Variants in GNG7 observed in about 807,000 individuals in gnomAD.
The protein encoded by GNG7 is G protein subunit gamma 7.
In GNG7, 1 loss-of-function variant was observed where a neutral mutation model predicts 4.0. That is an observed-to-expected ratio of 0.25 (90% CI 0.09 to 1.18). The LOEUF (loss-of-function observed/expected upper bound fraction) is 1.18, where lower values mean the gene tolerates loss of function less well. Among genes scored for constraint, GNG7 ranks in the 50% most tolerant of loss-of-function variants. GNG7 has a pLI of 0.50. For synonymous variants in GNG7, 34 were observed against 36.9 expected (o/e 0.92, Z 0.29); for missense variants, 86 against 91.9 (o/e 0.94, Z 0.26).
At chr19:2,625,731 G>A (rs1055689993) in intron 2 of GNG7, among the ~76,000 whole-genome samples, 8 of 152,156 alleles carry the variant, frequency 5.3e-5, no homozygotes, top group Non-Finnish European at 1.0e-4. Flanking sequence ...CGCCCTCACC[G>A]TGCTGGGCAC....
At chr19:2,547,663 A>G (rs1979172252) in intron 3 of GNG7, among the ~76,000 whole-genome samples, 1 of 152,198 alleles carries the variant, frequency 6.6e-6, no homozygotes, top group Non-Finnish European at 1.5e-5. Flanking sequence ...TTGTTCTGCC[A>G]ACCCCAGCAC....
In GNG7 at chr19:2,542,107, CTTTTTTTTTTTTTT is replaced by C. The variant is rs1175526574; in HGVS notation, c.-38+13028_-38+13041del. On this transcript the variant is annotated intron_variant, in intron 3 of 4. Coordinates refer to ENST00000382159, the MANE Select transcript of GNG7 (RefSeq NM_052847.3). Reference sequence around the variant, plus strand: ...CTCATGGGAGGCAGCGCTGTGTGTTCTTTTTTTTTTTTTTTTTTTTTTTTTGAGATGGAGTCTTG... The same window carrying C: ...CTCATGGGAGGCAGCGCTGTGTGTTCTTTTTTTTTTTGAGATGGAGTCTTG... Among the ~76,000 whole-genome samples the C allele has an allele frequency of 3.0e-3, 192 of 64,578 alleles. 2 individuals are homozygous for C. Among genetic ancestry groups the C allele is most frequent in the African/African-American group, 9.3e-3 (138 of 14,916 alleles). 42.4% of individuals were successfully genotyped at this position (64,578 alleles called of 152,430 possible).
chr19:2,531,461 C>T (rs766439282), intron 3 of GNG7, among the ~76,000 whole-genome samples: 5 of 151,988 alleles, frequency 3.3e-5, no homozygotes, highest in Non-Finnish European at 5.9e-5. Flanking sequence ...AAGAAGTAAA[C>T]ATAAATCCCC....
chr19:2,637,588 A>ACGC (rs1233194637), intron 2 of GNG7, among the ~76,000 whole-genome samples: 1 of 152,142 alleles, frequency 6.6e-6, no homozygotes, highest in Non-Finnish European at 1.5e-5. Context: ...CCCGCATCCC[A>ACGC]CGCCACCCTT....
At chr19:2,592,002 A>G (rs74961735) in intron 2 of GNG7, among the ~76,000 whole-genome samples, 11,695 of 152,302 alleles carry the variant, frequency 0.077, 501 homozygotes, top group East Asian at 0.16. Flanking sequence ...AAGTTGCTAT[A>G]AACTTTGTGG....
intron 2 of GNG7, among the ~76,000 whole-genome samples, chr19:2,604,799 G>C (rs1465297047): frequency 1.3e-5 from 2 of 152,198 alleles, no homozygotes. Context: ...TTCCCAGACA[G>C]AGATGCAGGG....
chr19:2,650,431 C>T (rs996235708), intron 1 of GNG7, among the ~76,000 whole-genome samples: 3 of 152,040 alleles, frequency 2.0e-5, no homozygotes, highest in Non-Finnish European at 2.9e-5. Context: ...TCAGGTGATC[C>T]GCCAGCCTTG....
chr19:2,534,265 C>T (rs1978673053), intron 3 of GNG7, among the ~76,000 whole-genome samples: 2 of 152,154 alleles, frequency 1.3e-5, no homozygotes, highest in African/African-American at 2.4e-5. Context: ...CAGTGCTCTG[C>T]AGCCTCAGGC....
In GNG7 at chr19:2,650,923, C is replaced by T. The variant is rs114701550; in HGVS notation, c.-134-4643G>A. Reference sequence around the variant, plus strand: ...GGGGCAACACGAACCGCTGGGACCTCCTGTTCATAAATTAGTATGGATTTC... The same window carrying T: ...GGGGCAACACGAACCGCTGGGACCTTCTGTTCATAAATTAGTATGGATTTC... On this transcript the variant is annotated intron_variant, in intron 1 of 4. Transcript: ENST00000382159. Among the ~76,000 whole-genome samples the T allele has an allele frequency of 4.3e-3, 660 of 152,298 alleles. 7 individuals carry two copies. The highest frequency in any genetic ancestry group is 0.013 in the African/African-American group (534 of 41,558).
intron 2 of GNG7, among the ~76,000 whole-genome samples, chr19:2,625,960 G>C (rs1982010652): frequency 6.6e-6 from 1 of 151,984 alleles, no homozygotes; most frequent in African/African-American, 2.4e-5. Flanking sequence ...GCTAATTTTT[G>C]TATTTTTAGT....
rs1406601009 is a variant in GNG7, at chr19:2,614,609, G to A, written c.-78+31615C>T. Among the ~76,000 whole-genome samples the A allele has an allele frequency of 9.8e-5, 15 of 152,290 alleles. No homozygotes were observed. Among genetic ancestry groups the A allele is most frequent in the Non-Finnish European group, 1.6e-4 (11 of 68,020 alleles). On this transcript the variant is annotated intron_variant, in intron 2 of 4. Transcript: ENST00000382159. This position sits in a 1 kb window ranked among gnomAD's most constrained non-coding sequence, Gnocchi z 6.0. The stretch of plus-strand genomic sequence containing the variant: ...TCCTCAAGGGGCATCCAGGCTGCAC[G>A]TGGCCTGGGTCAGAGTCTCGTTCAC...
intron 3 of GNG7, among the ~76,000 whole-genome samples, chr19:2,528,745 C>T (rs567012041): frequency 6.6e-6 from 1 of 152,280 alleles, no homozygotes; most frequent in South Asian, 2.1e-4. Context: ...AAGTTTCCTT[C>T]CCTCTCTGAG....
intron 1 of GNG7, among the ~76,000 whole-genome samples, chr19:2,672,800 T>C (rs1291831846): frequency 6.6e-6 from 1 of 152,118 alleles, no homozygotes; most frequent in African/African-American, 2.4e-5. Flanking sequence ...AGCCACTGGG[T>C]TCTACCTTGG....
Position 2,520,801 on chromosome 19 carries a change from G to A in GNG7, c.-37-76C>T, listed in dbSNP as rs997625935. On this transcript the variant is annotated intron_variant, in intron 3 of 4. Transcript: ENST00000382159. ...GTGGCAGCAGGGGCGCCCGGCCTTGGCTCAACCTTCCCGACTCTAGGCACG... is the reference window on the plus strand; with the variant it reads ...GTGGCAGCAGGGGCGCCCGGCCTTGACTCAACCTTCCCGACTCTAGGCACG... The A allele has an allele frequency of 7.5e-6, 5 of 664,224 alleles. No homozygotes were observed. The African/African-American group carries it at 8.9e-5, about 12-fold the overall frequency. 41.1% of individuals were successfully genotyped at this position (664,224 alleles called of 1,614,324 possible).
chr19:2,608,564 C>G (rs897535939), intron 2 of GNG7, among the ~76,000 whole-genome samples: 4 of 152,344 alleles, frequency 2.6e-5, no homozygotes, highest in East Asian at 1.9e-4. Context: ...TGCAGAGTCA[C>G]GAGACCAGCA....
chr19:2,684,285 C>T (rs1206931699), intron 1 of GNG7, among the ~76,000 whole-genome samples: 3 of 151,778 alleles, frequency 2.0e-5, no homozygotes, highest in East Asian at 2.0e-4. Context: ...TACAGGGGTC[C>T]GCCACCACGC....
intron 2 of GNG7, among the ~76,000 whole-genome samples, chr19:2,624,697 A>T (rs1981972747): frequency 6.6e-6 from 1 of 152,164 alleles, no homozygotes; most frequent in African/African-American, 2.4e-5. Context: ...CCTGGCGGCT[A>T]TTCCTAGCAG....
Position 2,609,010 on chromosome 19 carries a change from TTCTCTC to T in GNG7, c.-78+37208_-78+37213del, listed in dbSNP as rs3064559. Among the ~76,000 whole-genome samples, 43 of 149,436 alleles carry T rather than the reference TTCTCTC, an allele frequency of 2.9e-4. No individual in the cohort carries two copies. Among genetic ancestry groups the T allele is most frequent in the East Asian group, 7.9e-4 (4 of 5,092 alleles). On this transcript the variant is annotated intron_variant, in intron 2 of 4. Transcript: ENST00000382159. This position sits in a 1 kb window ranked among gnomAD's most constrained non-coding sequence, Gnocchi z 4.4. Reference sequence around the variant, plus strand: ...ATCATGCCTACCTAGTTCTTGTACATTCTCTCTCTCTCTCTCTCTCTCTTTTTTTGT... The same window carrying T: ...ATCATGCCTACCTAGTTCTTGTACATTCTCTCTCTCTCTCTCTTTTTTTGT...
intron 3 of GNG7, among the ~76,000 whole-genome samples, chr19:2,522,335 A>T (rs1323898607): frequency 6.6e-6 from 1 of 152,114 alleles, no homozygotes; most frequent in Non-Finnish European, 1.5e-5. Flanking sequence ...CCGCAGTCCC[A>T]GCCGGGCGTC....
Sources: allele counts gnomAD v4.1 joint callset (sites outside exome capture counted in the v4.1 genomes callset), GRCh38; gene constraint gnomAD v4.1.1; non-coding constraint Gnocchi (gnomAD v3.1); transcripts MANE v1.5; gene names NCBI Gene and HGNC (gene_info 2026-07-23, HGNC 2026-07-21).